The following CAPN5 variants were observed in gnomAD, a reference collection of about 807,000 sequenced individuals.
CAPN5 encodes the protein calpain 5, also known as calpain-5.
A neutral mutation model predicts 73.0 loss-of-function variants in CAPN5; 54 were observed. That is an observed-to-expected ratio of 0.74 (90% confidence interval 0.59 to 0.93). The LOEUF is 0.93. CAPN5 is among the 40% of genes least tolerant of loss of function. The pLI is 0.00. For synonymous variants in CAPN5, 335 were observed against 356.9 expected, an observed-to-expected ratio of 0.94 and a Z score of 0.69; for missense variants, 785 against 882.9, an observed-to-expected ratio of 0.89 and a Z score of 1.41.
intron 3 of CAPN5, among the ~76,000 whole-genome samples, chr11:77,100,707 G>T (rs781810983): frequency 2.6e-5 from 4 of 152,164 alleles, no homozygotes; most frequent in Non-Finnish European, 4.4e-5. Context: ...CCAGCCAGCT[G>T]CCCTGGCCAG....
chr11:77,108,563 C>T (rs1484196617), intron 3 of CAPN5, among the ~76,000 whole-genome samples: 3 of 152,138 alleles, frequency 2.0e-5, no homozygotes, highest in Non-Finnish European at 2.9e-5. Context: ...CTACTGTAGA[C>T]AGCGAGAGGG....
intron 1 of CAPN5, among the ~76,000 whole-genome samples, chr11:77,076,524 C>T (rs1555033940): frequency 6.6e-6 from 1 of 152,216 alleles, no homozygotes; most frequent in African/African-American, 2.4e-5. Flanking sequence ...CCTCCCCACC[C>T]TCACCCCTCA....
intron 10 of CAPN5, among the ~76,000 whole-genome samples, 165 bp from the exon 11 acceptor site, chr11:77,121,769 G>A (rs1241580511): frequency 6.6e-6 from 1 of 152,172 alleles, no homozygotes; most frequent in East Asian, 1.9e-4. Context: ...AAGCCCACAG[G>A]GCTTGGAGCT....
intron 4 of CAPN5, among the ~76,000 whole-genome samples, chr11:77,113,583 T>C (rs982072411): frequency 4.0e-5 from 6 of 151,386 alleles, no homozygotes; most frequent in African/African-American, 7.3e-5. Flanking sequence ...GAGAGAGAGA[T>C]AGAAAACAAG....
intron 11 of CAPN5, 126 bp from the exon 12 acceptor site, chr11:77,122,450 G>T: frequency 2.5e-6 from 2 of 799,566 alleles, no homozygotes; most frequent in South Asian, 1.7e-5. Context: ...GGGCCCTGAG[G>T]TGGGTCAGGC....
chr11:77,118,694 T>TGGCTG (rs1950492611), intron 8 of CAPN5, among the ~76,000 whole-genome samples: 2 of 152,228 alleles, frequency 1.3e-5, no homozygotes, highest in South Asian at 2.1e-4. Flanking sequence ...TCTGGGAACT[T>TGGCTG]GGCTGGGCTG....
intron 2 of CAPN5, among the ~76,000 whole-genome samples, chr11:77,087,147 C>T (rs900576170): frequency 3.3e-5 from 5 of 152,220 alleles, no homozygotes; most frequent in African/African-American, 7.2e-5. Context: ...GGATGGTCCA[C>T]GGCACTGCCT....
rs1346721129 is a variant in CAPN5, at chr11:77,073,113, C to T, written c.-36+6019C>T. On this transcript the variant is annotated intron_variant, in intron 1 of 12. Transcript: ENST00000648180. ...GCTGTCAGCACTTTCTCTGCAGGAC[C>T]TGGTGCTGGACTGGGAGCCCCGAGG... The T allele has an allele frequency of 3.1e-6, 4 of 1,289,744 alleles. No individual in the cohort carries two copies. In the East Asian group the frequency reaches 2.2e-4, roughly 72 times the overall value. 79.9% of individuals were successfully genotyped at this position (1,289,744 alleles called of 1,614,324 possible). A position where few individuals can be genotyped will look rare whatever the true frequency, so the allele number is the denominator to read the frequency against.
Position 77,115,288 on chromosome 11 carries a change from A to G in CAPN5, c.700-107A>G, listed in dbSNP as rs367921952. On this transcript the variant is annotated intron_variant, in intron 5 of 12. Transcript: ENST00000648180. ...GCACTGCCCCATGACTGCAATTCCC[A>G]TCCCATCCTGTAGGTCCCGTGCAGC... The G allele has an allele frequency of 1.4e-4, 112 of 828,720 alleles. 2 individuals carry two copies. In the East Asian group the frequency reaches 2.3e-3, roughly 17 times the overall value. 51.3% of individuals were successfully genotyped at this position (828,720 alleles called of 1,614,324 possible).
At chr11:77,104,285 C>T (rs1048891973) in intron 3 of CAPN5, among the ~76,000 whole-genome samples, 1 of 152,162 alleles carries the variant, frequency 6.6e-6, no homozygotes, top group African/African-American at 2.4e-5. Context: ...AGTGGATTCT[C>T]CAGGGCCTCA....
rs1051815308 is a variant in CAPN5, at chr11:77,112,662, A to G, written c.371A>G (p.His124Arg). ...GCCTACGCGGGCATCTTCCACTTCC[A>G]CTTCTGGCGCTTCGGGGAATGGGTG... Reference protein sequence around the residue: ...PNAYAGIFHFHFWRFGEWVDV... With the variant: ...PNAYAGIFHFRFWRFGEWVDV... Residue 124 changes from histidine (H) to arginine (R), a missense_variant, in exon 4 of 13, where the codon CAC becomes CGC. By Grantham distance (29) the His-to-Arg change is conservative (BLOSUM62 0). Transcript: ENST00000648180. 28 of 1,613,870 alleles carry G rather than the reference A, an allele frequency of 1.7e-5. No homozygotes were observed. Among genetic ancestry groups the G allele is most frequent in the Non-Finnish European group, 2.2e-5 (26 of 1,179,992 alleles).
chr11:77,100,939 C>G (rs1555038739), intron 3 of CAPN5, among the ~76,000 whole-genome samples: 1 of 152,202 alleles, frequency 6.6e-6, no homozygotes, highest in East Asian at 1.9e-4. Context: ...GAACTGCTCT[C>G]CCTGGAGGTC....
intron 3 of CAPN5, among the ~76,000 whole-genome samples, chr11:77,098,510 C>T (rs1344368493): frequency 0.031 from 2,004 of 64,476 alleles, no homozygotes; most frequent in Non-Finnish European, 0.04. Context: ...GGGCTGACCC[C>T]CCCACCTCCC....
chr11:77,093,510 G>C (rs765242831), intron 2 of CAPN5, among the ~76,000 whole-genome samples, 172 bp from the exon 3 acceptor site: 3 of 152,222 alleles, frequency 2.0e-5, no homozygotes, highest in African/African-American at 7.2e-5. Context: ...CAAGCGGGGA[G>C]CAGATGGGCC....
chr11:77,111,674 G>A (rs190561318), intron 3 of CAPN5, among the ~76,000 whole-genome samples: 1 of 152,180 alleles, frequency 6.6e-6, no homozygotes, highest in East Asian at 1.9e-4. Flanking sequence ...GCATAGCAGT[G>A]ACTGAGACCT....
rs782395096 is a variant in CAPN5, at chr11:77,118,215, A to C, written c.1030A>C (p.Asn344His). 1 of 1,614,048 alleles carries C rather than the reference A, an allele frequency of 6.2e-7. No homozygotes were observed. Among genetic ancestry groups the C allele is most frequent in the East Asian group, 2.2e-5 (1 of 44,858 alleles). The change falls in exon 8 of 13, where the codon AAC becomes CAC. Residue 344 changes from asparagine (N) to histidine (H), a missense_variant. Physicochemically the swap from Asn to His is moderately conservative, Grantham distance 68. Transcript: ENST00000648180. ...FTDIIKCRVI[N>H]TSHLSIHKTW... ...GGACATCATCAAGTGCCGCGTGATCAACACATCCCACCTGAGCATCCACAA... is the reference window on the plus strand; with the variant it reads ...GGACATCATCAAGTGCCGCGTGATCCACACATCCCACCTGAGCATCCACAA...
chr11:77,121,673 G>A (rs4945145), intron 10 of CAPN5, among the ~76,000 whole-genome samples: 19,071 of 152,214 alleles, frequency 0.13, 1,751 homozygotes, highest in African/African-American at 0.25. Flanking sequence ...ACGCCAGCAG[G>A]GGGCTTGGCA....
chr11:77,084,818 CTG>C (rs782005495), intron 1 of CAPN5, 32 bp from the exon 2 acceptor site: 3 of 1,591,730 alleles, frequency 1.9e-6, no homozygotes, highest in Middle Eastern at 1.7e-4. Flanking sequence ...CCCAGGGACT[CTG>C]TGAGTGACCG....
chr11:77,103,124 G>GAC (rs1555039229), intron 3 of CAPN5: 4 of 1,613,884 alleles, frequency 2.5e-6, no homozygotes, highest in Non-Finnish European at 3.4e-6. Flanking sequence ...CCAACCTCAT[G>GAC]ACACGCCAGC....
Sources: gnomAD v4.1 joint callset for allele counts (sites outside exome capture counted in the v4.1 genomes callset) on GRCh38, gnomAD v4.1.1 for gene constraint, MANE v1.5 for transcripts, NCBI Gene and HGNC (gene_info 2026-07-23, HGNC 2026-07-21) for gene names.